MAST4: variants seen among roughly 807,000 people sequenced by gnomAD.
MAST4 encodes microtubule-associated serine/threonine-protein kinase 4.
In MAST4, 89 loss-of-function variants were observed where a neutral mutation model predicts 162.7. That is an observed-to-expected ratio of 0.55 (90% confidence interval 0.46 to 0.65). MAST4 has a LOEUF of 0.65. Among genes scored for constraint, MAST4 ranks in the 30% least tolerant of loss-of-function variants. MAST4 has a pLI of 0.00. For missense variants in MAST4, 3,153 were observed against 3,374.0 expected (o/e 0.93, Z 1.62); for synonymous variants, 1,479 against 1,361.1 (o/e 1.09, Z -1.91).
chr5:66,832,469 A>C (rs1050918402), intron 3 of MAST4, among the ~76,000 whole-genome samples: 4 of 152,032 alleles, frequency 2.6e-5, no homozygotes, highest in Non-Finnish European at 5.9e-5. Context: ...AAACAACAAC[A>C]AAAAGATAAC....
At chr5:66,636,927 A>T (rs1745159435) in intron 1 of MAST4, among the ~76,000 whole-genome samples, 1 of 152,216 alleles carries the variant, frequency 6.6e-6, no homozygotes, top group South Asian at 2.1e-4. Context: ...ATACTTTATT[A>T]AAGTAATGTG....
intron 14 of MAST4, among the ~76,000 whole-genome samples, chr5:67,128,890 A>G (rs1768577788): frequency 6.6e-6 from 1 of 152,190 alleles, no homozygotes; most frequent in South Asian, 2.1e-4. Context: ...GGAGATTTCA[A>G]ACCTGTTCCC....
intron 4 of MAST4, among the ~76,000 whole-genome samples, chr5:66,988,742 G>C (rs909584227): frequency 6.6e-6 from 1 of 152,136 alleles, no homozygotes; most frequent in African/African-American, 2.4e-5. Context: ...TCTCAAGCAC[G>C]AAGAGACATT....
At chr5:66,756,493 A>C (rs1450631755) in intron 1 of MAST4, among the ~76,000 whole-genome samples, 1 of 152,220 alleles carries the variant, frequency 6.6e-6, no homozygotes, top group Non-Finnish European at 1.5e-5. Flanking sequence ...CTCTGTCTTT[A>C]GTTCAACTCC....
intron 1 of MAST4, among the ~76,000 whole-genome samples, chr5:66,661,643 G>A (rs980785611): frequency 4.6e-5 from 7 of 152,272 alleles, no homozygotes; most frequent in African/African-American, 1.7e-4. Flanking sequence ...CCTGTTCAGA[G>A]CCTGGGTCTT....
chr5:66,753,446 C>G (rs1208414791), intron 1 of MAST4, among the ~76,000 whole-genome samples: 1 of 151,280 alleles, frequency 6.6e-6, no homozygotes, highest in Non-Finnish European at 1.5e-5. Context: ...CAAATAGACG[C>G]AATAAAAAAT....
chr5:66,886,685 C>T (rs73099937), intron 3 of MAST4, among the ~76,000 whole-genome samples: 3 of 148,140 alleles, frequency 2.0e-5, no homozygotes, highest in African/African-American at 7.5e-5. Context: ...CCAATATGAT[C>T]TAGTATGCTT....
intron 5 of MAST4, among the ~76,000 whole-genome samples, chr5:67,078,920 A>ATATT (rs1554093920): frequency 4.7e-4 from 32 of 68,134 alleles, no homozygotes; most frequent in Admixed American, 1.4e-3. Context: ...AAATATATAT[A>ATATT]TATATATATA....
intron 1 of MAST4, among the ~76,000 whole-genome samples, chr5:66,650,765 A>G (rs1746166793): frequency 6.6e-6 from 1 of 152,234 alleles, no homozygotes; most frequent in East Asian, 1.9e-4. Flanking sequence ...GTTAACACAA[A>G]TACATAACAT....
chr5:66,806,667 C>T (rs1048165218), intron 3 of MAST4, among the ~76,000 whole-genome samples: 1 of 152,214 alleles, frequency 6.6e-6, no homozygotes, highest in Non-Finnish European at 1.5e-5. Context: ...AATTCCTAGA[C>T]AATTTTTAAA....
intron 4 of MAST4, among the ~76,000 whole-genome samples, chr5:67,039,167 G>C (rs894864258): frequency 2.0e-5 from 3 of 152,184 alleles, no homozygotes; most frequent in African/African-American, 7.2e-5. Flanking sequence ...ATAATAAGTG[G>C]AAGTAAGCAA....
rs1159315919 is a variant in MAST4 at position 66,681,598 on chromosome 5, C to G, written c.364-78111C>G. Among the ~76,000 whole-genome samples the G allele has an allele frequency of 5.3e-5, 8 of 152,202 alleles. No homozygotes were observed. The South Asian group carries it at 1.2e-3, about 24-fold the overall frequency. The stretch of plus-strand genomic sequence containing the variant: ...TCCTCAAACTGAACTTGGGCTCTGC[C>G]CTTGTTCAGCTGCAGGCTTCTTCCT... On this transcript the variant is annotated intron_variant, in intron 1 of 28. Transcript: ENST00000403625.
At chr5:67,034,024 A>G (rs1166668626) in intron 4 of MAST4, among the ~76,000 whole-genome samples, 1 of 152,190 alleles carries the variant, frequency 6.6e-6, no homozygotes, top group Non-Finnish European at 1.5e-5. Flanking sequence ...CACATTTCAA[A>G]TAAGAGATTA....
chr5:66,964,945 A>C (rs772939546), intron 4 of MAST4, among the ~76,000 whole-genome samples: 9 of 152,278 alleles, frequency 5.9e-5, no homozygotes, highest in Non-Finnish European at 1.2e-4. Flanking sequence ...TTCCTTAAAA[A>C]TATTAACTTA....
chr5:66,928,420 G>A (rs1765063023), intron 4 of MAST4, among the ~76,000 whole-genome samples: 1 of 152,222 alleles, frequency 6.6e-6, no homozygotes, highest in Non-Finnish European at 1.5e-5. Context: ...TTGCCAGTTT[G>A]CAAAGTCAGA....
intron 1 of MAST4, among the ~76,000 whole-genome samples, chr5:66,686,135 T>C (rs906622295): frequency 4.6e-5 from 7 of 152,152 alleles, no homozygotes; most frequent in African/African-American, 1.7e-4. Context: ...ACCACCCAGA[T>C]TAAAATCTTG....
chr5:67,074,515 G>T (rs1000796075), intron 5 of MAST4, among the ~76,000 whole-genome samples: 1 of 152,106 alleles, frequency 6.6e-6, no homozygotes, highest in Non-Finnish European at 1.5e-5. Flanking sequence ...GCATTAATTT[G>T]TAGTAGTACA....
chr5:67,021,661 C>A (rs1753997798), intron 4 of MAST4, among the ~76,000 whole-genome samples: 1 of 152,086 alleles, frequency 6.6e-6, no homozygotes. Flanking sequence ...ATTAGGGACA[C>A]CCTGGTGTCT....
At chr5:66,919,680 G>A (rs868040852) in intron 4 of MAST4, among the ~76,000 whole-genome samples, 2,680 of 123,668 alleles carry the variant, frequency 0.022, 96 homozygotes, top group African/African-American at 0.074. Context: ...AAAAAAAAAA[G>A]AGAAAAAGGT....
Sources: allele counts gnomAD v4.1 joint callset (sites outside exome capture counted in the v4.1 genomes callset), GRCh38; gene constraint gnomAD v4.1.1; transcripts MANE v1.5; gene names NCBI Gene and HGNC (gene_info 2026-07-23, HGNC 2026-07-21).